MCC: variants seen among roughly 807,000 people sequenced by gnomAD.
The protein encoded by MCC is colorectal mutant cancer protein.
Under a neutral mutation model 116.2 loss-of-function variants are expected in MCC, and 90 were observed. That is an observed-to-expected ratio of 0.77 (90% CI 0.65 to 0.92). The LOEUF (loss-of-function observed/expected upper bound fraction) is 0.92, where lower values mean the gene tolerates loss of function less well. MCC is among the 40% of genes least tolerant of loss of function. MCC has a pLI of 0.00. For missense variants in MCC, 1,516 were observed against 1,312.2 expected (o/e 1.16, Z -2.40); for synonymous variants, 578 against 510.5 (o/e 1.13, Z -1.78).
chr5:113,388,860 A>T (rs908479561), intron 1 of MCC, among the ~76,000 whole-genome samples: 1 of 152,204 alleles, frequency 6.6e-6, no homozygotes, highest in African/African-American at 2.4e-5. Context: ...ACAGCCTGGA[A>T]ATCTAAACCA....
At chr5:113,117,321 A>G (rs1187257876) in intron 6 of MCC, among the ~76,000 whole-genome samples, 2 of 152,194 alleles carry the variant, frequency 1.3e-5, no homozygotes, top group Non-Finnish European at 2.9e-5. Flanking sequence ...CCGCACCAAA[A>G]AACCAGGTTT....
chr5:113,195,102 C>T (rs1352186761), intron 3 of MCC, among the ~76,000 whole-genome samples: 3 of 152,132 alleles, frequency 2.0e-5, no homozygotes, highest in African/African-American at 7.2e-5. Flanking sequence ...TATACCAAAG[C>T]GTTTGTTGAA....
intron 1 of MCC, among the ~76,000 whole-genome samples, chr5:113,416,427 T>C (rs1770150391): frequency 6.6e-6 from 1 of 151,716 alleles, no homozygotes; most frequent in Non-Finnish European, 1.5e-5. Flanking sequence ...ATCCCATCTC[T>C]TAAAAAAAAA....
chr5:113,343,408 T>A (rs560361994), intron 2 of MCC, among the ~76,000 whole-genome samples: 69 of 152,364 alleles, frequency 4.5e-4, no homozygotes, highest in Non-Finnish European at 9.6e-4. Context: ...TTCCTTAACA[T>A]AGACTGCCAA....
chr5:113,446,257 TTAAAC>T (rs1449462879), intron 1 of MCC, among the ~76,000 whole-genome samples: 3 of 152,092 alleles, frequency 2.0e-5, no homozygotes, highest in African/African-American at 7.2e-5. Flanking sequence ...CATGACATAA[TTAAAC>T]TAAAGAGCTT....
intron 8 of MCC, among the ~76,000 whole-genome samples, chr5:113,100,066 A>G (rs1229046451): frequency 2.6e-5 from 4 of 152,202 alleles, no homozygotes; most frequent in Admixed American, 1.3e-4. Context: ...ACACCTGCTG[A>G]TGCAACTATG....
intron 8 of MCC, among the ~76,000 whole-genome samples, chr5:113,089,224 GA>G (rs1004928876): frequency 1.1e-4 from 16 of 152,318 alleles, no homozygotes; most frequent in Admixed American, 2.0e-4. Flanking sequence ...TCAAAGTGCA[GA>G]AGAAGAAACC....
At chr5:113,082,236 G>A (rs889448258) in intron 11 of MCC, among the ~76,000 whole-genome samples, 2 of 152,264 alleles carry the variant, frequency 1.3e-5, no homozygotes, top group Non-Finnish European at 2.9e-5. Context: ...ACTCTAGGTA[G>A]GACAGTTAGG....
Position 113,071,204 on chromosome 5 carries a change from G to A in MCC, c.1815C>T (p.Asp605=), listed in dbSNP as rs898796398. The A allele has an allele frequency of 1.2e-6, 2 of 1,613,992 alleles. No individual in the cohort carries two copies. The highest frequency in any genetic ancestry group is 1.7e-6 in the Non-Finnish European group (2 of 1,180,022). ...ATTCCTCCAAGGTTATGGTCAGGAG[G>A]TCATTTTGGGATTTGAGGTGCTCAA... ...SRIEHLKSQN[D]LLTITLEECK... is the part of the protein sequence containing the mutation. Residue 605 remains aspartate (D), a synonymous_variant, in exon 12 of 19, where the codon GAC becomes GAT. Coordinates refer to ENST00000408903, the MANE Select transcript of MCC (RefSeq NM_001085377.2).
At position 113,204,324 on chromosome 5, in the gene MCC, A is replaced by G. The variant is rs188855676; in HGVS notation, c.628-52902T>C. On this transcript the variant is annotated intron_variant, in intron 3 of 18. Transcript: ENST00000408903. ...TGCACACAAAGCTCTCTTCCTCAGA[A>G]AAGCTCTATTGATTGATCTTGAAAT... Among the ~76,000 whole-genome samples the G allele has an allele frequency of 9.8e-5, 15 of 152,312 alleles. No individual in the cohort carries two copies. In the East Asian group the frequency reaches 2.9e-3, roughly 29 times the overall value.
intron 3 of MCC, among the ~76,000 whole-genome samples, chr5:113,225,245 T>G (rs1447784188): frequency 6.6e-6 from 1 of 152,236 alleles, no homozygotes; most frequent in Non-Finnish European, 1.5e-5. Flanking sequence ...TCTGTTGAAC[T>G]AATTTTATTG....
At chr5:113,312,034 C>T (rs569318490) in intron 3 of MCC, among the ~76,000 whole-genome samples, 32 of 151,872 alleles carry the variant, frequency 2.1e-4, no homozygotes, top group African/African-American at 6.5e-4. Context: ...TGAAACCGGG[C>T]GGCAGAGTTT....
At chr5:113,395,942 A>G (rs1769516180) in intron 1 of MCC, among the ~76,000 whole-genome samples, 1 of 152,168 alleles carries the variant, frequency 6.6e-6, no homozygotes, top group Non-Finnish European at 1.5e-5. Flanking sequence ...GTATTTGTTA[A>G]AAGGCTTCCT....
intron 5 of MCC, among the ~76,000 whole-genome samples, chr5:113,126,508 T>C (rs940553345): frequency 3.3e-5 from 5 of 152,212 alleles, no homozygotes; most frequent in African/African-American, 7.2e-5. Context: ...TTTCTTTCCA[T>C]AAATATATTT....
At chr5:113,050,749 T>C (rs970979591) in intron 15 of MCC, among the ~76,000 whole-genome samples, 2 of 152,108 alleles carry the variant, frequency 1.3e-5, no homozygotes, top group Non-Finnish European at 2.9e-5. Context: ...GAGAAACCTA[T>C]GGGTGCCAGA....
At position 113,024,777 on chromosome 5, in the gene MCC, A is replaced by G. The variant is rs1333027577; in HGVS notation, c.*2525T>C. ...ATAGTTTAGTTCAGTAGCTCCCACA[A>G]TTAGCATAATCAAGTGCCACCTAGT... On this transcript the variant is annotated 3_prime_UTR_variant, in exon 19 of 19. Transcript: ENST00000408903. 1 of 152,120 alleles carries G rather than the reference A, an allele frequency of 6.6e-6. No individual in the cohort carries two copies. The allele number at this position is 152,120 out of a possible 1,614,324, so 9.4% of individuals were successfully genotyped here. A position where few individuals can be genotyped will look rare whatever the true frequency, so the allele number is the denominator to read the frequency against.
chr5:113,071,540 C>G (rs1189687653), intron 11 of MCC, among the ~76,000 whole-genome samples: 2 of 152,156 alleles, frequency 1.3e-5, no homozygotes, highest in African/African-American at 4.8e-5. Context: ...GGAAAGGAGA[C>G]AGTTGTGCAA....
chr5:113,029,851 C>G (rs1446417782), intron 17 of MCC, among the ~76,000 whole-genome samples: 3 of 152,228 alleles, frequency 2.0e-5, no homozygotes, highest in Non-Finnish European at 2.9e-5. Flanking sequence ...TAGTAGCACA[C>G]TCAGCACTAT....
Position 113,122,678 on chromosome 5 carries a change from A to C in MCC, c.1027+6T>G. 3.7e-6 allele frequency: 6 copies of C among 1,613,906 alleles called. No individual in the cohort carries two copies. The highest frequency in any genetic ancestry group is 5.1e-6 in the Non-Finnish European group (6 of 1,179,876). On this transcript the variant is annotated splice_donor_region_variant and intron_variant, in intron 6 of 18. Transcript: ENST00000408903. ...CTGGCTTGGTGGCAAGGGCAGGCAG[A>C]CTCACCCATGTCAGCAGTAACCATG... is the stretch of plus-strand genomic sequence containing the variant.
Sources: gnomAD v4.1 joint callset for allele counts (sites outside exome capture counted in the v4.1 genomes callset) on GRCh38, gnomAD v4.1.1 for gene constraint, MANE v1.5 for transcripts, NCBI Gene and HGNC (gene_info 2026-07-23, HGNC 2026-07-21) for gene names.